Variants in KIF6 observed in about 807,000 individuals in gnomAD.
The protein encoded by KIF6 is kinesin-like protein KIF6.
Under a neutral mutation model 112.7 loss-of-function variants are expected in KIF6, and 106 were observed. That is an observed-to-expected ratio of 0.94 (90% CI 0.80 to 1.11). The LOEUF is 1.11. Ranked by LOEUF, KIF6 falls within the 50% of genes least tolerant of loss-of-function variation. The pLI is 0.00. For missense variants in KIF6, 929 were observed against 964.0 expected, an observed-to-expected ratio of 0.96 and a Z score of 0.48; for synonymous variants, 339 against 339.9, an observed-to-expected ratio of 1.00 and a Z score of 0.03.
At chr6:39,497,887 A>G (rs1007256511) in intron 13 of KIF6, among the ~76,000 whole-genome samples, 3 of 152,220 alleles carry the variant, frequency 2.0e-5, no homozygotes, top group Non-Finnish European at 4.4e-5. Context: ...TGGTAACTAG[A>G]GAGCCAACTT....
chr6:39,513,495 A>C (rs1776897799), intron 13 of KIF6, among the ~76,000 whole-genome samples: 1 of 152,200 alleles, frequency 6.6e-6, no homozygotes, highest in Non-Finnish European at 1.5e-5. Flanking sequence ...CACATGGTAA[A>C]TTAGGTATAA....
intron 22 of KIF6, 107 bp from the exon 23 acceptor site, chr6:39,336,655 T>C (rs1468399176): frequency 3.2e-6 from 3 of 949,920 alleles, no homozygotes; most frequent in Non-Finnish European, 5.2e-6. Flanking sequence ...CCCCTGGGTC[T>C]TGGGCACTGC....
intron 3 of KIF6, among the ~76,000 whole-genome samples, chr6:39,687,149 G>A (rs764928331): frequency 6.6e-6 from 1 of 152,092 alleles, no homozygotes; most frequent in African/African-American, 2.4e-5. Flanking sequence ...AAATGTGACC[G>A]GTTACACCAC....
At chr6:39,612,881 T>C (rs745866858) in intron 6 of KIF6, among the ~76,000 whole-genome samples, 6 of 152,158 alleles carry the variant, frequency 3.9e-5, no homozygotes, top group African/African-American at 7.2e-5. Context: ...ACAAACCAAT[T>C]TGTATACAAC....
At chr6:39,339,768 C>T (rs1483876374) in intron 22 of KIF6, among the ~76,000 whole-genome samples, 1 of 152,200 alleles carries the variant, frequency 6.6e-6, no homozygotes, top group Non-Finnish European at 1.5e-5. Context: ...CTGCCCCTGG[C>T]AGGGATTTAA....
chr6:39,469,543 A>C (rs1273381057), intron 13 of KIF6, among the ~76,000 whole-genome samples: 1 of 152,194 alleles, frequency 6.6e-6, no homozygotes, highest in Non-Finnish European at 1.5e-5. Context: ...AAACAAAAAA[A>C]AATGTTACTA....
At chr6:39,375,027 A>C (rs1208315930) in intron 16 of KIF6, among the ~76,000 whole-genome samples, 1 of 152,256 alleles carries the variant, frequency 6.6e-6, no homozygotes, top group Non-Finnish European at 1.5e-5. Context: ...AATACTATTA[A>C]CCCTTAAACG....
At chr6:39,412,971 GA>G (rs5875671) in intron 15 of KIF6, among the ~76,000 whole-genome samples, 16 of 150,318 alleles carry the variant, frequency 1.1e-4, no homozygotes, top group African/African-American at 1.5e-4. Context: ...CCTTATTTTG[GA>G]AAAAAAAAAT....
intron 3 of KIF6, among the ~76,000 whole-genome samples, chr6:39,673,120 G>A (rs905879275): frequency 2.6e-5 from 4 of 152,136 alleles, no homozygotes; most frequent in Non-Finnish European, 4.4e-5. Context: ...GCTGGTGTCC[G>A]CCACCACCAG....
At chr6:39,426,361 C>T (rs972478928) in intron 14 of KIF6, among the ~76,000 whole-genome samples, 1 of 152,184 alleles carries the variant, frequency 6.6e-6, no homozygotes, top group African/African-American at 2.4e-5. Flanking sequence ...GGCAGCACAA[C>T]TTCCTCAGAC....
intron 16 of KIF6, among the ~76,000 whole-genome samples, chr6:39,370,658 C>T (rs558688055): frequency 7.2e-5 from 11 of 152,264 alleles, no homozygotes; most frequent in East Asian, 3.9e-4. Context: ...AAATGTTTGA[C>T]AAGAATTCCT....
chr6:39,438,721 GA>G (rs1331571325), intron 13 of KIF6, among the ~76,000 whole-genome samples: 1 of 152,128 alleles, frequency 6.6e-6, no homozygotes, highest in Non-Finnish European at 1.5e-5. Context: ...TAGTAAAAAT[GA>G]ATTTAGTGTA....
chr6:39,661,391 C>T (rs142246910), intron 3 of KIF6, among the ~76,000 whole-genome samples: 76 of 152,216 alleles, frequency 5.0e-4, no homozygotes, highest in African/African-American at 1.7e-3. Context: ...AAGTTAAGTA[C>T]TCCATAATGT....
intron 16 of KIF6, among the ~76,000 whole-genome samples, chr6:39,381,146 A>C (rs1013031461): frequency 2.6e-5 from 4 of 152,174 alleles, no homozygotes; most frequent in Non-Finnish European, 5.9e-5. Context: ...CCCTGGGCAC[A>C]CATCTACTTA....
At chr6:39,405,445 T>C (rs1769013739) in intron 15 of KIF6, among the ~76,000 whole-genome samples, 1 of 152,246 alleles carries the variant, frequency 6.6e-6, no homozygotes, top group Admixed American at 6.5e-5. Flanking sequence ...TATCAAATAC[T>C]TTCCTGTGCC....
At chr6:39,537,885 C>T (rs1778539295) in intron 13 of KIF6, among the ~76,000 whole-genome samples, 1 of 152,140 alleles carries the variant, frequency 6.6e-6, no homozygotes, top group Non-Finnish European at 1.5e-5. Flanking sequence ...ACCAATGGAA[C>T]AGAACAGAGC....
At chr6:39,462,996 C>T (rs1483080475) in intron 13 of KIF6, among the ~76,000 whole-genome samples, 2 of 152,112 alleles carry the variant, frequency 1.3e-5, no homozygotes, top group East Asian at 1.9e-4. Flanking sequence ...TATATTAACA[C>T]GTCAAATAGA....
chr6:39,560,487 G>A (rs1222521950), intron 10 of KIF6, among the ~76,000 whole-genome samples: 2 of 152,124 alleles, frequency 1.3e-5, no homozygotes, highest in South Asian at 2.1e-4. Flanking sequence ...CCACACTTAC[G>A]GCTTTGCTCA....
chr6:39,716,902 A>T (rs1386119765), intron 2 of KIF6, among the ~76,000 whole-genome samples: 1 of 151,562 alleles, frequency 6.6e-6, no homozygotes, highest in East Asian at 1.9e-4. Context: ...GATCTGCTTG[A>T]CTCCTCTGTT....
Sources: gnomAD v4.1 joint callset for allele counts (sites outside exome capture counted in the v4.1 genomes callset) on GRCh38, gnomAD v4.1.1 for gene constraint, MANE v1.5 for transcripts, NCBI Gene and HGNC (gene_info 2026-07-23, HGNC 2026-07-21) for gene names.